DOK1: variants seen among roughly 807,000 people sequenced by gnomAD.
DOK1 encodes the protein Downstream of tyrosine kinase 1.
Under a neutral mutation model 24.0 loss-of-function variants are expected in DOK1, and 12 were observed. That is an observed-to-expected ratio of 0.50 (90% CI 0.32 to 0.81). The LOEUF (loss-of-function observed/expected upper bound fraction) is 0.81, where lower values mean the gene tolerates loss of function less well. Ranked by LOEUF, DOK1 falls within the 30% of genes least tolerant of loss-of-function variation. DOK1 has a pLI of 0.03. For missense variants in DOK1, 591 were observed against 620.7 expected, an observed-to-expected ratio of 0.95 and a Z score of 0.51; for synonymous variants, 250 against 260.9, an observed-to-expected ratio of 0.96 and a Z score of 0.40.
rs757410769 is a variant in DOK1, at chr2:74,555,175, G to A, written c.82G>A (p.Val28Met). The A allele has an allele frequency of 2.5e-6, 4 of 1,612,902 alleles. No homozygotes were observed. ...CTAGAGGTGGAGGAAGACCTGGGCCGTGCTCTACCCGGCCAGTCCCCACGG... is the reference window on the plus strand; with the variant it reads ...CTAGAGGTGGAGGAAGACCTGGGCCATGCTCTACCCGGCCAGTCCCCACGG... Reference protein sequence around the residue: ...GTKRWRKTWAVLYPASPHGVA... With the variant: ...GTKRWRKTWAMLYPASPHGVA... The change falls in exon 2 of 5, where the codon GTG becomes ATG. Residue 28 changes from valine to methionine, a missense_variant. By Grantham distance (21) the Val-to-Met change is conservative. Coordinates refer to ENST00000233668, the MANE Select transcript of DOK1 (RefSeq NM_001381.5). This position sits in a 1 kb window ranked among gnomAD's most constrained non-coding sequence, Gnocchi z 6.1.
Position 74,556,522 on chromosome 2 carries a change from C to A in DOK1, c.854C>A (p.Pro285His), listed in dbSNP as rs746760005. 1.9e-6 allele frequency: 3 copies of A among 1,614,138 alleles called. No homozygotes were observed. The Admixed American group carries it at 5.0e-5, about 27-fold the overall frequency. Residue 285 changes from proline to histidine, a missense_variant, in exon 5 of 5, where the codon CCC (proline) becomes CAC (histidine). Transcript: ENST00000233668. This position sits in a 1 kb window ranked among gnomAD's most constrained non-coding sequence, Gnocchi z 4.1. ...AEGKLPSPPG[P>H]QELLDSPPAL... The stretch of plus-strand genomic sequence containing the variant: ...GGGAAGTTGCCTTCCCCACCTGGCC[C>A]CCAAGAGCTCCTCGACAGTCCCCCA...
chr2:74,552,361 T>G, upstream of DOK1: 1 of 1,610,724 alleles, frequency 6.2e-7, no homozygotes. Context: ...GTCCAGCCTG[T>G]GGCCTCTGTG....
Position 74,549,354 on chromosome 2 carries a change from C to A in DOK1, c.-358+182C>A. On this transcript the variant is annotated intron_variant, in intron 1 of 4. Coordinates refer to the DOK1 transcript ENST00000409429. The surrounding 1 kb of genome is among the most constrained non-coding windows in gnomAD (Gnocchi z 5.3). ...CAATCCCGGCCTGCTCCGCCCGGCGCCCGCGGCCCCTCACCTGTAGAAGGC... is the reference window on the plus strand; with the variant it reads ...CAATCCCGGCCTGCTCCGCCCGGCGACCGCGGCCCCTCACCTGTAGAAGGC... 1 of 1,558,680 alleles carries A rather than the reference C, an allele frequency of 6.4e-7. No individual in the cohort carries two copies. The highest frequency in any genetic ancestry group is 1.9e-5 in the Admixed American group (1 of 52,994).
Position 74,555,362 on chromosome 2 carries a change from G to T in DOK1, c.269G>T (p.Arg90Leu). The change falls in exon 2 of 5, where the codon CGC becomes CTC. Residue 90 changes from arginine to leucine, a missense_variant. By Grantham distance (102) the Arg-to-Leu change is moderately radical (BLOSUM62 -2). Coordinates refer to ENST00000233668, the MANE Select transcript of DOK1 (RefSeq NM_001381.5). The surrounding 1 kb of genome is among the most constrained non-coding windows in gnomAD (Gnocchi z 6.1). ...TPPEPGATAF[R>L]LDTAQRSHLL... ...CCTGAGCCCGGCGCCACTGCCTTCC[G>T]CCTGGACACTGCTCAGCGCTCGCAC... 1.2e-6 allele frequency: 2 copies of T among 1,613,658 alleles called. No individual in the cohort carries two copies. Among genetic ancestry groups the T allele is most frequent in the Non-Finnish European group, 1.7e-6 (2 of 1,179,938 alleles).
At chr2:74,550,268 T>C (rs376265928), upstream of DOK1, 94 of 1,614,054 alleles carry the variant, frequency 5.8e-5, no homozygotes, top group Non-Finnish European at 7.6e-5. Context: ...GTACAGTCAC[T>C]GTTCCCCCAG....
rs991242075 is a variant in DOK1 at position 74,555,758 on chromosome 2, G to A, written c.454+90G>A. On this transcript the variant is annotated intron_variant, in intron 3 of 4. Transcript: ENST00000233668. This position sits in a 1 kb window ranked among gnomAD's most constrained non-coding sequence, Gnocchi z 6.1. ...AGTGGGTGGATACCCAGGGGCCCAT[G>A]GGGAAGTAAGAAGTAGGAAGGCCCT... 4 of 1,597,484 alleles carry A rather than the reference G, an allele frequency of 2.5e-6. No individual in the cohort carries two copies. The African/African-American group carries it at 4.0e-5, about 16-fold the overall frequency.
rs1222047464 is a variant in DOK1 at position 74,556,301 on chromosome 2, T to G, written c.640-7T>G. 1.9e-6 allele frequency: 3 copies of G among 1,609,824 alleles called. No individual in the cohort carries two copies. In the Admixed American group the frequency reaches 5.0e-5, roughly 27 times the overall value. The stretch of plus-strand genomic sequence containing the variant: ...TGGTAATGTGTTTCCCCCTCTACCC[T>G]CCTTAGGTCATGTTCTCTTTCGAGG... On this transcript the variant is annotated splice_region_variant and splice_polypyrimidine_tract_variant and intron_variant, in intron 4 of 4. Coordinates refer to ENST00000233668, the MANE Select transcript of DOK1 (RefSeq NM_001381.5). This position sits in a 1 kb window ranked among gnomAD's most constrained non-coding sequence, Gnocchi z 4.1.
Position 74,556,253 on chromosome 2 carries a change from G to T in DOK1, c.640-55G>T. On this transcript the variant is annotated intron_variant, in intron 4 of 4. Transcript: ENST00000233668. The surrounding 1 kb of genome is among the most constrained non-coding windows in gnomAD (Gnocchi z 4.1). ...GATACCCTAACTAGTGCAGGCGTGT[G>T]ACTCACTTCCTCTGATGGCTCCTGG... The T allele has an allele frequency of 6.3e-7, 1 of 1,576,530 alleles. No individual in the cohort carries two copies. Among genetic ancestry groups the T allele is most frequent in the South Asian group, 1.2e-5 (1 of 85,216 alleles).
Position 74,549,387 on chromosome 2 carries a change from AC to A in DOK1, c.-358+218del. On this transcript the variant is annotated intron_variant, in intron 1 of 4. Coordinates refer to the DOK1 transcript ENST00000409429. The surrounding 1 kb of genome is among the most constrained non-coding windows in gnomAD (Gnocchi z 5.3). ...CCCTCACCTGTAGAAGGCCGCGTTG[AC>A]CCTCTTTTCGCTGGGGAAGCCCAGC... 1 of 1,608,602 alleles carries A rather than the reference AC, an allele frequency of 6.2e-7. No individual in the cohort carries two copies. The highest frequency in any genetic ancestry group is 1.7e-4 in the Middle Eastern group (1 of 6,002).
upstream of DOK1, chr2:74,550,253 C>T (rs759306602): frequency 5.0e-6 from 8 of 1,614,080 alleles, no homozygotes; most frequent in African/African-American, 4.0e-5. Flanking sequence ...GCATCCTCAT[C>T]GTGCGTACAG....
Position 74,555,908 on chromosome 2 carries a change from G to A in DOK1, c.469G>A (p.Val157Ile). 1 of 1,605,870 alleles carries A rather than the reference G, an allele frequency of 6.2e-7. No individual in the cohort carries two copies. The highest frequency in any genetic ancestry group is 1.3e-5 in the African/African-American group (1 of 74,788). Residue 157 changes from valine (V) to isoleucine (I), a missense_variant, in exon 4 of 5, where the codon GTA becomes ATA. Coordinates refer to ENST00000233668, the MANE Select transcript of DOK1 (RefSeq NM_001381.5). The surrounding 1 kb of genome is among the most constrained non-coding windows in gnomAD (Gnocchi z 6.1). ...ATGCCTTCCAGGATCCCAATTCTGGGTAACGGTGCAGAGGACTGAGGCCGC... is the reference window on the plus strand; with the variant it reads ...ATGCCTTCCAGGATCCCAATTCTGGATAACGGTGCAGAGGACTGAGGCCGC... ...SPTWEGSQFWVTVQRTEAAER... is the reference protein window; with the variant it reads ...SPTWEGSQFWITVQRTEAAER...
At position 74,549,175 on chromosome 2, in the gene DOK1, A is replaced by T. The variant is rs187257589; in HGVS notation, c.-358+3A>T. 51 of 504,314 alleles carry T rather than the reference A, an allele frequency of 1.0e-4. No homozygotes were observed. Among genetic ancestry groups the T allele is most frequent in the African/African-American group, 9.4e-4 (47 of 50,016 alleles). The allele number at this position is 504,314 out of a possible 1,614,324, so 31.2% of individuals were successfully genotyped here. On this transcript the variant is annotated splice_donor_region_variant and intron_variant, in intron 1 of 4. Transcript: ENST00000409429. The surrounding 1 kb of genome is among the most constrained non-coding windows in gnomAD (Gnocchi z 5.3). ...AGCCTCGCTGGTCCCCATTTCAGGT[A>T]CTCCCTTGGGGCACCTTTCGTGGTC... is the stretch of plus-strand genomic sequence containing the variant.
At position 74,556,083 on chromosome 2, in the gene DOK1, A is replaced by G; in HGVS notation, c.639+5A>G. 1 of 1,578,832 alleles carries G rather than the reference A, an allele frequency of 6.3e-7. No individual in the cohort carries two copies. Among genetic ancestry groups the G allele is most frequent in the Non-Finnish European group, 8.6e-7 (1 of 1,159,992 alleles). ...CGTCGCTATGGCCGGGACAAGGTGC[A>G]GGGGCTGTCCGGGAGGGCTTCCTGG... On this transcript the variant is annotated splice_donor_5th_base_variant and intron_variant, in intron 4 of 4. Coordinates refer to ENST00000233668, the MANE Select transcript of DOK1 (RefSeq NM_001381.5). This position sits in a 1 kb window ranked among gnomAD's most constrained non-coding sequence, Gnocchi z 4.1.
At chr2:74,553,132 G>A (rs888326087), upstream of DOK1, 4 of 155,584 alleles carry the variant, frequency 2.6e-5, no homozygotes, top group Non-Finnish European at 4.3e-5. Flanking sequence ...ATTGACAAGA[G>A]CCAAGGGGCG....
In DOK1 at chr2:74,554,901, G is replaced by A. The variant is rs914660353; in HGVS notation, c.60+87G>A. 4 of 1,578,636 alleles carry A rather than the reference G, an allele frequency of 2.5e-6. No individual in the cohort carries two copies. The highest frequency in any genetic ancestry group is 1.1e-5 in the South Asian group (1 of 87,592). Reference sequence around the variant, plus strand: ...ACAGGGAGAGGTGGGCAGCGGGCTGGAGAGCGGCGCCGGGAGTTGGAGAGC... The same window carrying A: ...ACAGGGAGAGGTGGGCAGCGGGCTGAAGAGCGGCGCCGGGAGTTGGAGAGC... On this transcript the variant is annotated intron_variant, in intron 1 of 4. Transcript: ENST00000233668. This position sits in a 1 kb window ranked among gnomAD's most constrained non-coding sequence, Gnocchi z 4.9.
chr2:74,552,985 G>A (rs968612257), upstream of DOK1: 1 of 265,008 alleles, frequency 3.8e-6, no homozygotes, highest in Non-Finnish European at 7.1e-6. Flanking sequence ...GGATGTGAGA[G>A]GAAGGGAGAC....
At chr2:74,553,797 A>G (rs1573034837), upstream of DOK1, 1 of 152,634 alleles carries the variant, frequency 6.6e-6, no homozygotes, top group Non-Finnish European at 1.5e-5. Context: ...TCCATCCCAC[A>G]CCACCCGTTT....
At chr2:74,552,229 G>T, upstream of DOK1, 1 of 1,162,888 alleles carries the variant, frequency 8.6e-7, no homozygotes, top group Non-Finnish European at 1.2e-6. Flanking sequence ...TTGGTGTCGT[G>T]TGTCCCTATG....
chr2:74,550,529 A>C (rs1327350621), upstream of DOK1, among the ~76,000 whole-genome samples: 1 of 152,142 alleles, frequency 6.6e-6, no homozygotes, highest in East Asian at 1.9e-4. Context: ...AGGGGGCATA[A>C]GATTGAGGGA....
Sources: allele counts gnomAD v4.1 joint callset (sites outside exome capture counted in the v4.1 genomes callset), GRCh38; gene constraint gnomAD v4.1.1; non-coding constraint Gnocchi (gnomAD v3.1); transcripts MANE v1.5; gene names NCBI Gene and HGNC (gene_info 2026-07-23, HGNC 2026-07-21).